The following BICD2 variants were observed in gnomAD, a reference collection of about 807,000 sequenced individuals.
The protein encoded by BICD2 is protein bicaudal D homolog 2.
A neutral mutation model predicts 72.9 loss-of-function variants in BICD2; 25 were observed. The ratio of observed to expected loss-of-function variants is 0.34; its 90% CI spans 0.25 to 0.48. The LOEUF (loss-of-function observed/expected upper bound fraction) is 0.48, where lower values mean the gene tolerates loss of function less well. Among genes scored for constraint, BICD2 ranks in the 20% least tolerant of loss-of-function variants. The pLI is 0.99. For missense variants in BICD2, 894 were observed against 1,175.2 expected, an observed-to-expected ratio of 0.76 and a Z score of 3.50; for synonymous variants, 501 against 516.1, an observed-to-expected ratio of 0.97 and a Z score of 0.40.
At position 92,757,119 on chromosome 9, in the gene BICD2, G is replaced by A. The variant is rs548309955; in HGVS notation, c.240+7386C>T. On this transcript the variant is annotated intron_variant, in intron 1 of 6. Transcript: ENST00000356884. ...GCCTGAACTCAGGAATTCAAGACCA[G>A]CCCGGGCAACATGGTGAAACCCCGC... 4.6e-5 allele frequency among the ~76,000 whole-genome samples: 7 copies of A among 152,036 alleles called. No homozygotes were observed. The South Asian group carries it at 1.5e-3, about 32-fold the overall frequency.
chr9:92,734,458 G>A (rs1287440888), intron 1 of BICD2, among the ~76,000 whole-genome samples: 1 of 149,568 alleles, frequency 6.7e-6, no homozygotes, highest in Non-Finnish European at 1.5e-5. Flanking sequence ...AGGTTCCAGT[G>A]AGTCATGATC....
Position 92,758,023 on chromosome 9 carries a change from G to A in BICD2, c.240+6482C>T, listed in dbSNP as rs568301017. On this transcript the variant is annotated intron_variant, in intron 1 of 6. Coordinates refer to ENST00000356884, the MANE Select transcript of BICD2 (RefSeq NM_001003800.2). ...GTTTGAGACCAGTCTGACCAACATG[G>A]TGAAACCTCATCTCTACTAAAAATA... Among the ~76,000 whole-genome samples, 255 of 151,926 alleles carry A rather than the reference G, an allele frequency of 1.7e-3. 1 individual carries two copies. The highest frequency in any genetic ancestry group is 2.8e-3 in the Non-Finnish European group (187 of 67,996).
chr9:92,716,891 G>A (rs1853326547), intron 6 of BICD2, among the ~76,000 whole-genome samples: 1 of 152,202 alleles, frequency 6.6e-6, no homozygotes, highest in African/African-American at 2.4e-5. Context: ...CCTCCACAGA[G>A]GAAGAAAGAA....
At position 92,713,817 on chromosome 9, in the gene BICD2, G is replaced by A. The variant is rs748365315; in HGVS notation, c.*1337C>T. On this transcript the variant is annotated 3_prime_UTR_variant, in exon 7 of 7. Coordinates refer to ENST00000356884, the MANE Select transcript of BICD2 (RefSeq NM_001003800.2). ...GTCTGGAGGGGACCGAAACATACTC[G>A]GCACCAAAGGGAAGAACGCGCAGGG... 147 of 1,112,962 alleles carry A rather than the reference G, an allele frequency of 1.3e-4. No individual in the cohort carries two copies. The highest frequency in any genetic ancestry group is 1.6e-4 in the Non-Finnish European group (141 of 905,044). 68.9% of individuals were successfully genotyped at this position (1,112,962 alleles called of 1,614,324 possible).
At chr9:92,748,963 TC>T (rs1854082976) in intron 1 of BICD2, among the ~76,000 whole-genome samples, 1 of 151,908 alleles carries the variant, frequency 6.6e-6, no homozygotes, top group Admixed American at 6.6e-5. Flanking sequence ...GCAGGGTGGT[TC>T]CCAGAGGAGA....
intron 1 of BICD2, among the ~76,000 whole-genome samples, chr9:92,741,147 C>T (rs1853890279): frequency 6.6e-6 from 1 of 152,304 alleles, no homozygotes; most frequent in East Asian, 1.9e-4. Context: ...ACATTACAAA[C>T]TCAACGGGAA....
At chr9:92,747,126 C>G (rs1854029870) in intron 1 of BICD2, among the ~76,000 whole-genome samples, 3 of 152,230 alleles carry the variant, frequency 2.0e-5, no homozygotes, top group Admixed American at 1.3e-4. Flanking sequence ...GGTGGCCCAC[C>G]AAGCTCCCAC....
In BICD2 at chr9:92,714,988, G is replaced by T. The variant is rs1247991771; in HGVS notation, c.*166C>A. 2 of 1,411,272 alleles carry T rather than the reference G, an allele frequency of 1.4e-6. No homozygotes were observed. The highest frequency in any genetic ancestry group is 5.3e-5 in the East Asian group (2 of 37,984). The allele number at this position is 1,411,272 out of a possible 1,614,324, so 87.4% of individuals were successfully genotyped here. ...TTTGAGGAGTGAGAAGCGACACAAA[G>T]CTCTCACAAGTGTCCTGCTGATGCA... On this transcript the variant is annotated 3_prime_UTR_variant, in exon 7 of 7. Transcript: ENST00000356884.
chr9:92,711,984 T>C lies in BICD2; in HGVS notation c.*3170A>G, dbSNP rs558394124. 1 of 152,736 alleles carries C rather than the reference T, an allele frequency of 6.5e-6. No individual in the cohort carries two copies. The highest frequency in any genetic ancestry group is 2.4e-5 in the African/African-American group (1 of 41,566). The allele number at this position is 152,736 out of a possible 1,614,324, so 9.5% of individuals were successfully genotyped here. A position where few individuals can be genotyped will look rare whatever the true frequency, so the allele number is the denominator to read the frequency against. On this transcript the variant is annotated 3_prime_UTR_variant, in exon 7 of 7. Transcript: ENST00000356884. ...CTAAGGAGTTTTAATGAGTTCTGTT[T>C]CCTGAAATTAACAGTGATTAGTTAC...
intron 1 of BICD2, among the ~76,000 whole-genome samples, chr9:92,738,976 T>C (rs1853843407): frequency 6.6e-6 from 1 of 151,720 alleles, no homozygotes; most frequent in African/African-American, 2.4e-5. Flanking sequence ...AGGGCCATGA[T>C]GCCTGCCCCA....
chr9:92,749,158 C>G (rs1193783574), intron 1 of BICD2, among the ~76,000 whole-genome samples: 1 of 151,626 alleles, frequency 6.6e-6, no homozygotes, highest in African/African-American at 2.4e-5. Flanking sequence ...CTCTTGAGGA[C>G]TGGGGTCCAG....
At chr9:92,759,381 C>G (rs1446770851) in intron 1 of BICD2, among the ~76,000 whole-genome samples, 1 of 152,196 alleles carries the variant, frequency 6.6e-6, no homozygotes, top group Admixed American at 6.5e-5. Flanking sequence ...TTCTGCTGTT[C>G]TTAAAGTGAA....
intron 2 of BICD2, among the ~76,000 whole-genome samples, chr9:92,724,147 T>C (rs1853519577): frequency 6.6e-6 from 1 of 152,198 alleles, no homozygotes; most frequent in African/African-American, 2.4e-5. Context: ...TCCAAAGCCC[T>C]CTTGGACTCT....
At position 92,715,044 on chromosome 9, in the gene BICD2, C is replaced by T. The variant is rs1341141623; in HGVS notation, c.*110G>A. ...CCATGGCGCCTCGGCTAGACTCCTACCCTCTGTGCATTAGTCACGTTAAGA... is the reference window on the plus strand; with the variant it reads ...CCATGGCGCCTCGGCTAGACTCCTATCCTCTGTGCATTAGTCACGTTAAGA... On this transcript the variant is annotated 3_prime_UTR_variant, in exon 7 of 7. Transcript: ENST00000356884. 1 of 1,460,830 alleles carries T rather than the reference C, an allele frequency of 6.8e-7. No homozygotes were observed. The highest frequency in any genetic ancestry group is 9.0e-7 in the Non-Finnish European group (1 of 1,105,172). 90.5% of individuals were successfully genotyped at this position (1,460,830 alleles called of 1,614,324 possible). A position where few individuals can be genotyped will look rare whatever the true frequency, so the allele number is the denominator to read the frequency against.
chr9:92,750,621 C>T (rs1319891357), intron 1 of BICD2, among the ~76,000 whole-genome samples: 1 of 151,446 alleles, frequency 6.6e-6, no homozygotes, highest in Non-Finnish European at 1.5e-5. Context: ...CAGTGGTTGC[C>T]AGAGGTTGAC....
At position 92,718,794 on chromosome 9, in the gene BICD2, C is replaced by T; in HGVS notation, c.1851G>A (p.Leu617=). Residue 617 remains leucine (L), a synonymous_variant, in exon 5 of 7, where the codon CTG becomes CTA. Coordinates refer to ENST00000356884, the MANE Select transcript of BICD2 (RefSeq NM_001003800.2). ...PSPGSSLPSP[L]SDPRREPMNI... ...TCATGGGCTCCCGGCGTGGGTCACT[C>T]AGGGGTGATGGCAGTGAGGAGCCAG... 1 of 1,613,722 alleles carries T rather than the reference C, an allele frequency of 6.2e-7. No individual in the cohort carries two copies. The highest frequency in any genetic ancestry group is 8.5e-7 in the Non-Finnish European group (1 of 1,179,882).
Position 92,714,752 on chromosome 9 carries a change from C to A in BICD2, c.*402G>T. On this transcript the variant is annotated 3_prime_UTR_variant, in exon 7 of 7. Transcript: ENST00000356884. ...TGCTTTCTAGTGCTGACATTAGACA[C>A]ATGCGAGGAACATGCAAGTCTCAAC... 9.9e-7 allele frequency: 1 copy of A among 1,011,806 alleles called. No individual in the cohort carries two copies. Among genetic ancestry groups the A allele is most frequent in the Non-Finnish European group, 1.2e-6 (1 of 847,874 alleles). The allele number at this position is 1,011,806 out of a possible 1,614,324, so 62.7% of individuals were successfully genotyped here. A position where few individuals can be genotyped will look rare whatever the true frequency, so the allele number is the denominator to read the frequency against.
Position 92,713,847 on chromosome 9 carries a change from G to C in BICD2, c.*1307C>G. The C allele has an allele frequency of 1.9e-6, 2 of 1,052,350 alleles. No individual in the cohort carries two copies. Among genetic ancestry groups the C allele is most frequent in the Non-Finnish European group, 2.3e-6 (2 of 869,178 alleles). The allele number at this position is 1,052,350 out of a possible 1,614,324, so 65.2% of individuals were successfully genotyped here. On this transcript the variant is annotated 3_prime_UTR_variant, in exon 7 of 7. Coordinates refer to ENST00000356884, the MANE Select transcript of BICD2 (RefSeq NM_001003800.2). The stretch of plus-strand genomic sequence containing the variant: ...CAAAGGGAAGAACGCGCAGGGCAGA[G>C]AGCTGTGGGAGGGGGCAACACGGTC...
At chr9:92,763,726 A>C (rs908134552) in intron 1 of BICD2, among the ~76,000 whole-genome samples, 1 of 152,198 alleles carries the variant, frequency 6.6e-6, no homozygotes, top group Admixed American at 6.5e-5. Context: ...TGGGAATGAC[A>C]CAGACCACTG....
Sources: allele counts gnomAD v4.1 joint callset (sites outside exome capture counted in the v4.1 genomes callset), GRCh38; gene constraint gnomAD v4.1.1; transcripts MANE v1.5; gene names NCBI Gene and HGNC (gene_info 2026-07-23, HGNC 2026-07-21).